SPIB: variants seen among roughly 807,000 people sequenced by gnomAD.
The protein encoded by SPIB is transcription factor Spi-B.
In SPIB, 7 loss-of-function variants were observed where a neutral mutation model predicts 31.9. The observed-to-expected ratio is 0.22, with a 90% CI of 0.12 to 0.41. SPIB has a LOEUF of 0.41. SPIB is among the 10% of genes least tolerant of loss of function. The probability of loss-of-function intolerance (pLI) is 1.00; values close to 1 mark genes in which losing one functional copy is unlikely to be tolerated. For missense variants in SPIB, 327 were observed against 360.2 expected, an observed-to-expected ratio of 0.91 and a Z score of 0.75; for synonymous variants, 176 against 158.9, an observed-to-expected ratio of 1.11 and a Z score of -0.81.
intron 5 of SPIB, among the ~76,000 whole-genome samples, chr19:50,425,622 G>A (rs980590815): frequency 1.3e-5 from 2 of 152,026 alleles, no homozygotes; most frequent in African/African-American, 4.8e-5. Flanking sequence ...TAAAATTTTT[G>A]TAGAGGTGAG....
In SPIB at chr19:50,428,614, T is replaced by G; in HGVS notation, c.*278T>G. 1 of 404,824 alleles carries G rather than the reference T, an allele frequency of 2.5e-6. No homozygotes were observed. The allele number at this position is 404,824 out of a possible 1,614,324, so 25.1% of individuals were successfully genotyped here. Reference sequence around the variant, plus strand: ...GGGTGACAGGACCTATGGACCACTATACTCGGGGAGGCAGGGTAGCAGTTC... The same window carrying G: ...GGGTGACAGGACCTATGGACCACTAGACTCGGGGAGGCAGGGTAGCAGTTC... On this transcript the variant is annotated 3_prime_UTR_variant, in exon 6 of 6. Coordinates refer to ENST00000595883, the MANE Select transcript of SPIB (RefSeq NM_003121.5). This position sits in a 1 kb window ranked among gnomAD's most constrained non-coding sequence, Gnocchi z 6.5.
intron 2 of SPIB, among the ~76,000 whole-genome samples, chr19:50,421,393 G>C (rs2122543253): frequency 6.6e-6 from 1 of 152,178 alleles, no homozygotes; most frequent in African/African-American, 2.4e-5. Context: ...TGCGATCTCG[G>C]CTCACTGCAA....
chr19:50,427,864 C>G (rs1396692208), intron 5 of SPIB, among the ~76,000 whole-genome samples, 174 bp from the exon 6 acceptor site: 1 of 104,308 alleles, frequency 9.6e-6, no homozygotes, highest in African/African-American at 3.0e-5. Context: ...GCTTGCCCCC[C>G]CCCCCCCCCG....
Position 50,422,468 on chromosome 19 carries a change from A to G in SPIB, c.52-5A>G. The stretch of plus-strand genomic sequence containing the variant: ...ACCCCTCTTCCCTCCTGCACCCCGT[A>G]TCAGTACCCAGATGGCGTCTTCTAT... On this transcript the variant is annotated splice_polypyrimidine_tract_variant and splice_region_variant and intron_variant, in intron 2 of 5. Transcript: ENST00000595883. 1.2e-6 allele frequency: 2 copies of G among 1,613,776 alleles called. No homozygotes were observed. The highest frequency in any genetic ancestry group is 2.2e-5 in the East Asian group (1 of 44,856).
At chr19:50,422,357 C>A in intron 2 of SPIB, 116 bp from the exon 3 acceptor site, 1 of 780,238 alleles carries the variant, frequency 1.3e-6, no homozygotes, top group Non-Finnish European at 2.1e-6. Context: ...CTAATCTCTC[C>A]AGCATCCCCT....
chr19:50,423,807 G>C (rs113339577), intron 5 of SPIB, 52 bp downstream of exon 5: 330 of 1,554,972 alleles, frequency 2.1e-4, no homozygotes, highest in South Asian at 7.2e-4. Flanking sequence ...ATGGTGGGGG[G>C]GCTGAGAGCA....
chr19:50,428,008 A>G lies in SPIB; in HGVS notation c.491-30A>G. ...GAAGGCGGGGCCTTAGGGACCCCTC[A>G]CCTAACGCGTGCCCCCGACCCCACC... On this transcript the variant is annotated intron_variant, in intron 5 of 5. Coordinates refer to ENST00000595883, the MANE Select transcript of SPIB (RefSeq NM_003121.5). The surrounding 1 kb of genome is among the most constrained non-coding windows in gnomAD (Gnocchi z 6.5). The G allele has an allele frequency of 1.4e-6, 2 of 1,474,420 alleles. No individual in the cohort carries two copies. The highest frequency in any genetic ancestry group is 1.8e-6 in the Non-Finnish European group (2 of 1,106,488). 91.3% of individuals were successfully genotyped at this position (1,474,420 alleles called of 1,614,324 possible).
chr19:50,424,041 G>A (rs921912866), intron 5 of SPIB, among the ~76,000 whole-genome samples: 11 of 152,136 alleles, frequency 7.2e-5, no homozygotes, highest in African/African-American at 2.7e-4. Context: ...CAGGCACAGA[G>A]TGAGCACTTC....
intron 5 of SPIB, 76 bp downstream of exon 5, chr19:50,423,831 G>C (rs1479493213): frequency 6.6e-7 from 1 of 1,507,262 alleles, no homozygotes; most frequent in Admixed American, 2.0e-5. Flanking sequence ...TGGCTTCCTG[G>C]GCCTCTACAT....
chr19:50,419,223 C>A (rs533155148), intron 1 of SPIB, among the ~76,000 whole-genome samples: 3 of 152,142 alleles, frequency 2.0e-5, no homozygotes. Context: ...AGAACACTTG[C>A]TAGCGTGCCC....
chr19:50,422,329 CTG>C, intron 2 of SPIB, 142 bp from the exon 3 acceptor site: 2 of 630,184 alleles, frequency 3.2e-6, no homozygotes, highest in Non-Finnish European at 5.6e-6. Context: ...TGCCTAGTCT[CTG>C]TGTTTCTTTG....
intron 4 of SPIB, 180 bp downstream of exon 4, chr19:50,423,217 A>T: frequency 2.2e-6 from 1 of 463,358 alleles, no homozygotes; most frequent in Non-Finnish European, 3.8e-6. Flanking sequence ...AAAAAAAAAA[A>T]AAAAAGAAAA....
At chr19:50,424,589 T>C (rs776055268) in intron 5 of SPIB, among the ~76,000 whole-genome samples, 2 of 152,138 alleles carry the variant, frequency 1.3e-5, no homozygotes, top group Non-Finnish European at 2.9e-5. Flanking sequence ...GAGACCATCC[T>C]GGCCAACATG....
At position 50,422,546 on chromosome 19, in the gene SPIB, G is replaced by T; in HGVS notation, c.124+1G>T. 1 of 1,613,818 alleles carries T rather than the reference G, an allele frequency of 6.2e-7. No individual in the cohort carries two copies. The highest frequency in any genetic ancestry group is 8.5e-7 in the Non-Finnish European group (1 of 1,179,870). ...TACCCTGATTCAGAGGGGGCTCCTGGTGAGTGACCCCAGCCCTGTGCCCTT... is the reference window on the plus strand; with the variant it reads ...TACCCTGATTCAGAGGGGGCTCCTGTTGAGTGACCCCAGCCCTGTGCCCTT... On this transcript the variant is annotated splice_donor_variant, in intron 3 of 5. Transcript: ENST00000595883. LOFTEE classifies it high-confidence loss of function.
chr19:50,427,870 C>CG (rs1005030379), intron 5 of SPIB, among the ~76,000 whole-genome samples, 168 bp from the exon 6 acceptor site: 2 of 148,694 alleles, frequency 1.3e-5, no homozygotes, highest in African/African-American at 5.0e-5. Flanking sequence ...CCCCCCCCCC[C>CG]CCCGTGGTGA....
Position 50,428,897 on chromosome 19 carries a change from C to T in SPIB, c.*561C>T, listed in dbSNP as rs2039604614. The T allele has an allele frequency of 6.5e-6, 1 of 153,026 alleles. No homozygotes were observed. Among genetic ancestry groups the T allele is most frequent in the African/African-American group, 2.4e-5 (1 of 41,458 alleles). The allele number at this position is 153,026 out of a possible 1,614,324, so 9.5% of individuals were successfully genotyped here. Reference sequence around the variant, plus strand: ...TCTATGGCTGTGTTGTCACATCTGTCCCCTCATTTTTGAGATCCCCCAATT... The same window carrying T: ...TCTATGGCTGTGTTGTCACATCTGTTCCCTCATTTTTGAGATCCCCCAATT... On this transcript the variant is annotated 3_prime_UTR_variant, in exon 6 of 6. Coordinates refer to ENST00000595883, the MANE Select transcript of SPIB (RefSeq NM_003121.5). The surrounding 1 kb of genome is among the most constrained non-coding windows in gnomAD (Gnocchi z 6.5).
chr19:50,422,962 C>T lies in SPIB; in HGVS notation c.264C>T (p.Asn88=). Residue 88 remains asparagine, a synonymous_variant, in exon 4 of 6, where the codon AAC becomes AAT. Transcript: ENST00000595883. The part of the protein sequence containing the change: ...YEPPTYSPAG[N]LELAPSLEAP... ...CCCCCACCTACAGCCCTGCAGGGAA[C>T]CTCGAACTGGCCCCCAGCCTGGAGG... 1 of 1,585,964 alleles carries T rather than the reference C, an allele frequency of 6.3e-7. No homozygotes were observed. Among genetic ancestry groups the T allele is most frequent in the Non-Finnish European group, 8.6e-7 (1 of 1,163,668 alleles).
chr19:50,425,782 C>T (rs1212162889), intron 5 of SPIB, among the ~76,000 whole-genome samples: 2 of 152,186 alleles, frequency 1.3e-5, no homozygotes, highest in Non-Finnish European at 2.9e-5. Context: ...CTGGGGCATA[C>T]ATGGCACGCC....
chr19:50,428,044 G>A lies in SPIB; in HGVS notation c.497G>A (p.Arg166His), dbSNP rs373824265. 2.0e-6 allele frequency: 3 copies of A among 1,524,074 alleles called. No homozygotes were observed. The highest frequency in any genetic ancestry group is 1.2e-5 in the South Asian group (1 of 80,732). 94.4% of individuals were successfully genotyped at this position (1,524,074 alleles called of 1,614,324 possible). A position where few individuals can be genotyped will look rare whatever the true frequency, so the allele number is the denominator to read the frequency against. ...GCCCCCGACCCCACCGCAGGGACTCGCAAGAAGCTGCGCCTGTACCAGTTC... is the reference window on the plus strand; with the variant it reads ...GCCCCCGACCCCACCGCAGGGACTCACAAGAAGCTGCGCCTGTACCAGTTC... ...PEGKGSEAGT[R>H]KKLRLYQFLL... The change falls in exon 6 of 6, where the codon CGC becomes CAC. Residue 166 changes from arginine to histidine, a missense_variant. Around this residue, in one of 4 missense-constraint regions of SPIB, gnomAD observed 238 missense variants for 228.8 expected, o/e 1.04. Transcript: ENST00000595883. This position sits in a 1 kb window ranked among gnomAD's most constrained non-coding sequence, Gnocchi z 6.5.
Sources: gnomAD v4.1 joint callset for allele counts (sites outside exome capture counted in the v4.1 genomes callset) on GRCh38, gnomAD v4.1.1 for gene constraint, gnomAD v4.1.1 regional missense constraint, Gnocchi (gnomAD v3.1) non-coding constraint, MANE v1.5 for transcripts, NCBI Gene and HGNC (gene_info 2026-07-23, HGNC 2026-07-21) for gene names.